DPYD: variants seen among roughly 807,000 people sequenced by gnomAD.
DPYD encodes the protein dihydropyrimidine dehydrogenase [NADP(+)].
In DPYD, 109 loss-of-function variants were observed where a neutral mutation model predicts 116.2. That is an observed-to-expected ratio of 0.94 (90% CI 0.80 to 1.10). The LOEUF (loss-of-function observed/expected upper bound fraction) is 1.10. Among genes scored for constraint, DPYD ranks in the 50% least tolerant of loss-of-function variants. The pLI is 0.00. For missense variants in DPYD, 1,302 were observed against 1,254.5 expected, an observed-to-expected ratio of 1.04 and a Z score of -0.57; for synonymous variants, 440 against 432.0, an observed-to-expected ratio of 1.02 and a Z score of -0.23.
intron 18 of DPYD, among the ~76,000 whole-genome samples, chr1:97,274,173 G>GGAATATACA (rs1426347346): frequency 1.1e-4 from 17 of 152,212 alleles, no homozygotes; most frequent in African/African-American, 4.1e-4. Context: ...AAGGAACCTA[G>GGAATATACA]AACATGATAT....
At chr1:97,751,492 A>ATATATATATATATG (rs1265776238) in intron 3 of DPYD, among the ~76,000 whole-genome samples, 1 of 134,656 alleles carries the variant, frequency 7.4e-6, no homozygotes, top group East Asian at 2.2e-4. Flanking sequence ...ATATATATAT[A>ATATATATATATATG]TATGGCAGGG....
intron 11 of DPYD, among the ~76,000 whole-genome samples, chr1:97,562,433 T>A (rs188415745): frequency 3.9e-5 from 6 of 152,182 alleles, no homozygotes; most frequent in Admixed American, 2.6e-4. Flanking sequence ...CACATACTTG[T>A]ATGGAAAAAA....
At chr1:97,593,437 C>A in intron 9 of DPYD, 50 bp from the exon 10 acceptor site, 1 of 1,600,964 alleles carries the variant, frequency 6.2e-7, no homozygotes, top group Non-Finnish European at 8.5e-7. Flanking sequence ...ACCATTTCTG[C>A]ATGACAGCTC....
rs1557938194 is a variant in DPYD at position 97,206,668 on chromosome 1, AT to A, written c.2443-13421del. 4.2e-3 allele frequency among the ~76,000 whole-genome samples: 497 copies of A among 118,668 alleles called. 20 individuals are homozygous for A. Among genetic ancestry groups the A allele is most frequent in the East Asian group, 0.028 (122 of 4,320 alleles). The allele number at this position is 118,668 out of a possible 152,430, so 77.9% of individuals were successfully genotyped here. On this transcript the variant is annotated intron_variant, in intron 19 of 22. Coordinates refer to ENST00000370192, the MANE Select transcript of DPYD (RefSeq NM_000110.4). Reference sequence around the variant, plus strand: ...TATATATATATATATATATATATATATATATATATATATATATATAATCTAT... The same window carrying A: ...TATATATATATATATATATATATATAATATATATATATATATATAATCTAT...
At chr1:97,524,070 T>G (rs2101999610) in intron 12 of DPYD, among the ~76,000 whole-genome samples, 1 of 151,496 alleles carries the variant, frequency 6.6e-6, no homozygotes, top group South Asian at 2.1e-4. Flanking sequence ...CGCAAAGGTG[T>G]CATGAAGGCC....
At chr1:97,230,320 C>G (rs1661498667) in intron 19 of DPYD, among the ~76,000 whole-genome samples, 1 of 152,190 alleles carries the variant, frequency 6.6e-6, no homozygotes, top group Non-Finnish European at 1.5e-5. Context: ...GGAATGAGAT[C>G]ATGTCATTTG....
chr1:97,757,705 T>C (rs1264978236), intron 3 of DPYD, among the ~76,000 whole-genome samples: 1 of 152,142 alleles, frequency 6.6e-6, no homozygotes. Flanking sequence ...AAAAATAATG[T>C]AGACAGCTAT....
At chr1:97,202,149 T>C (rs181424316) in intron 19 of DPYD, among the ~76,000 whole-genome samples, 119 of 152,270 alleles carry the variant, frequency 7.8e-4, no homozygotes, top group Middle Eastern at 3.4e-3. Context: ...CCCGGAGATG[T>C]TGTTTTTCAA....
At chr1:97,269,680 C>T (rs539173682) in intron 18 of DPYD, among the ~76,000 whole-genome samples, 114 of 152,248 alleles carry the variant, frequency 7.5e-4, no homozygotes, top group Non-Finnish European at 1.3e-3. Flanking sequence ...TCACTGCGTC[C>T]TCACTCACAT....
chr1:97,413,633 T>C (rs534774085), intron 14 of DPYD, among the ~76,000 whole-genome samples: 13 of 152,032 alleles, frequency 8.6e-5, no homozygotes, highest in South Asian at 4.2e-4. Context: ...CCACCACACC[T>C]GCCTAATTTT....
intron 10 of DPYD, among the ~76,000 whole-genome samples, chr1:97,588,873 T>G (rs545790583): frequency 6.6e-6 from 1 of 152,212 alleles, no homozygotes; most frequent in African/African-American, 2.4e-5. Flanking sequence ...GTATTAATGC[T>G]TTCTTAGCCA....
At chr1:97,328,791 A>G (rs927118415) in intron 16 of DPYD, among the ~76,000 whole-genome samples, 1 of 152,174 alleles carries the variant, frequency 6.6e-6, no homozygotes, top group Non-Finnish European at 1.5e-5. Flanking sequence ...TATTTTGTTA[A>G]TCATTTCAGA....
intron 3 of DPYD, among the ~76,000 whole-genome samples, chr1:97,763,244 T>C (rs1665673172): frequency 6.6e-6 from 1 of 152,058 alleles, no homozygotes. Flanking sequence ...TTCCTTTCTG[T>C]ATCATTATAT....
At chr1:97,342,298 C>T (rs1347522935) in intron 16 of DPYD, among the ~76,000 whole-genome samples, 1 of 152,110 alleles carries the variant, frequency 6.6e-6, no homozygotes, top group Non-Finnish European at 1.5e-5. Flanking sequence ...TTTCTAGTTT[C>T]TACTTCGAAG....
intron 16 of DPYD, among the ~76,000 whole-genome samples, chr1:97,332,811 T>C (rs899715472): frequency 5.3e-5 from 8 of 152,150 alleles, no homozygotes; most frequent in South Asian, 2.1e-4. Context: ...CTGAGAGTCA[T>C]AGACTAAACA....
intron 13 of DPYD, among the ~76,000 whole-genome samples, chr1:97,454,132 T>C (rs1378707562): frequency 1.3e-5 from 2 of 152,022 alleles, no homozygotes; most frequent in Non-Finnish European, 2.9e-5. Flanking sequence ...AATAAATCGG[T>C]AATAAAAATT....
At chr1:97,750,385 T>C (rs1664803733) in intron 3 of DPYD, among the ~76,000 whole-genome samples, 1 of 152,160 alleles carries the variant, frequency 6.6e-6, no homozygotes, top group Non-Finnish European at 1.5e-5. Context: ...GGAATATGTT[T>C]GTTATGAAAA....
chr1:97,601,145 T>C (rs1218111629), intron 8 of DPYD, among the ~76,000 whole-genome samples: 1 of 152,120 alleles, frequency 6.6e-6, no homozygotes, highest in Non-Finnish European at 1.5e-5. Context: ...TGTAATTGAA[T>C]AAAATTGCTT....
intron 14 of DPYD, among the ~76,000 whole-genome samples, chr1:97,404,708 A>G (rs1673554103): frequency 6.6e-6 from 1 of 152,088 alleles, no homozygotes; most frequent in Admixed American, 6.6e-5. Flanking sequence ...TATACGCAAT[A>G]CATAGGTGGG....
Sources: allele counts gnomAD v4.1 joint callset (sites outside exome capture counted in the v4.1 genomes callset), GRCh38; gene constraint gnomAD v4.1.1; transcripts MANE v1.5; gene names NCBI Gene and HGNC (gene_info 2026-07-23, HGNC 2026-07-21).